The following DEPDC1B variants were observed in gnomAD, a reference collection of about 807,000 sequenced individuals.
The protein encoded by DEPDC1B is DEP domain-containing protein 1B.
Under a neutral mutation model 66.5 loss-of-function variants are expected in DEPDC1B, and 51 were observed. That is an observed-to-expected ratio of 0.77 (90% CI 0.61 to 0.97). DEPDC1B has a LOEUF of 0.97. Ranked by LOEUF, DEPDC1B falls within the 50% of genes least tolerant of loss-of-function variation. DEPDC1B has a pLI of 0.00. For synonymous variants in DEPDC1B, 226 were observed against 223.6 expected (o/e 1.01, Z -0.10); for missense variants, 552 against 637.1 (o/e 0.87, Z 1.44).
chr5:60,683,657 T>C (rs771289429), intron 2 of DEPDC1B, among the ~76,000 whole-genome samples: 7 of 152,078 alleles, frequency 4.6e-5, no homozygotes, highest in Non-Finnish European at 1.0e-4. Flanking sequence ...GCTAACATCA[T>C]TGAACAGAGA....
chr5:60,603,436 C>T lies in DEPDC1B; in HGVS notation c.1197G>A (p.Leu399=), dbSNP rs1752242754. 1 of 1,611,632 alleles carries T rather than the reference C, an allele frequency of 6.2e-7. No individual in the cohort carries two copies. Among genetic ancestry groups the T allele is most frequent in the East Asian group, 2.2e-5 (1 of 44,774 alleles). ...YQEILKVPLA[L]QTSIEERVAH... is the part of the protein sequence containing the mutation. ...CCACACGCTCCTCTATAGAGGTCTG[C>T]AAGGCCAAAGGGACTTTCAGAATTT... is the stretch of plus-strand genomic sequence containing the variant. The change falls in exon 9 of 11, where the codon TTG becomes TTA. Residue 399 remains leucine (L), a synonymous_variant. Transcript: ENST00000265036.
At chr5:60,631,963 C>A (rs1419501929) in intron 7 of DEPDC1B, among the ~76,000 whole-genome samples, 1 of 152,200 alleles carries the variant, frequency 6.6e-6, no homozygotes, top group South Asian at 2.1e-4. Flanking sequence ...ATACACTAAA[C>A]CCATTCCTGG....
At chr5:60,676,410 A>G (rs1415267957) in intron 2 of DEPDC1B, among the ~76,000 whole-genome samples, 1 of 152,110 alleles carries the variant, frequency 6.6e-6, no homozygotes, top group African/African-American at 2.4e-5. Context: ...AGCTTAAGGA[A>G]TCCTCTGGCT....
At position 60,597,627 on chromosome 5, in the gene DEPDC1B, T is replaced by G; in HGVS notation, c.*126A>C. ...ACATTTTTAAAAACTAAGGCAATCT[T>G]TATCTATATTTCAGTAGTCTTTGTT... On this transcript the variant is annotated 3_prime_UTR_variant, in exon 11 of 11. Transcript: ENST00000265036. 1 of 1,034,748 alleles carries G rather than the reference T, an allele frequency of 9.7e-7. No individual in the cohort carries two copies. Among genetic ancestry groups the G allele is most frequent in the Non-Finnish European group, 1.4e-6 (1 of 719,278 alleles). 64.1% of individuals were successfully genotyped at this position (1,034,748 alleles called of 1,614,324 possible).
At chr5:60,617,110 C>G (rs1301278159) in intron 7 of DEPDC1B, among the ~76,000 whole-genome samples, 1 of 152,166 alleles carries the variant, frequency 6.6e-6, no homozygotes, top group African/African-American at 2.4e-5. Flanking sequence ...CACCACCAGG[C>G]CTGCCCTAAA....
chr5:60,697,308 C>T (rs1754679019), intron 1 of DEPDC1B, among the ~76,000 whole-genome samples: 1 of 152,000 alleles, frequency 6.6e-6, no homozygotes, highest in South Asian at 2.1e-4. Flanking sequence ...TTTTCTAAAG[C>T]TGTACATGCT....
intron 2 of DEPDC1B, among the ~76,000 whole-genome samples, chr5:60,657,991 A>G (rs1753616576): frequency 6.6e-6 from 1 of 152,022 alleles, no homozygotes; most frequent in South Asian, 2.1e-4. Flanking sequence ...CACTTTTTTA[A>G]TTCTTTTTTT....
At position 60,638,739 on chromosome 5, in the gene DEPDC1B, T is replaced by A. The variant is rs1418626223; in HGVS notation, c.898+11A>T. On this transcript the variant is annotated intron_variant, in intron 7 of 10. Coordinates refer to ENST00000265036, the MANE Select transcript of DEPDC1B (RefSeq NM_018369.3). ...GTGATGTAGATATATGTTCATTATA[T>A]TCCAACTTACCCAGTACACTGACAA... The A allele has an allele frequency of 2.5e-6, 4 of 1,599,954 alleles. No individual in the cohort carries two copies. The highest frequency in any genetic ancestry group is 3.4e-6 in the Non-Finnish European group (4 of 1,174,680).
intron 1 of DEPDC1B, among the ~76,000 whole-genome samples, chr5:60,688,500 A>C (rs1305765368): frequency 2.0e-5 from 3 of 152,230 alleles, no homozygotes; most frequent in Non-Finnish European, 4.4e-5. Context: ...CAGGGTTGTT[A>C]CAAAGACCAG....
At chr5:60,602,393 T>A (rs1752219330) in intron 9 of DEPDC1B, among the ~76,000 whole-genome samples, 1 of 152,222 alleles carries the variant, frequency 6.6e-6, no homozygotes, top group African/African-American at 2.4e-5. Flanking sequence ...ATTTTAATTT[T>A]AAAATTGCCT....
At chr5:60,605,609 C>T (rs1752292934) in intron 8 of DEPDC1B, 81 bp downstream of exon 8, 2 of 1,481,142 alleles carry the variant, frequency 1.4e-6, no homozygotes, top group South Asian at 1.4e-5. Context: ...TTGTACTTCC[C>T]TCTGATCACC....
At chr5:60,686,876 T>A in intron 2 of DEPDC1B, 86 bp downstream of exon 2, 1 of 1,512,872 alleles carries the variant, frequency 6.6e-7, no homozygotes, top group Non-Finnish European at 9.0e-7. Context: ...GGTAAATTCT[T>A]ACACATCAGG....
chr5:60,698,723 T>G (rs1162126953), intron 1 of DEPDC1B, among the ~76,000 whole-genome samples: 1 of 150,440 alleles, frequency 6.6e-6, no homozygotes, highest in Non-Finnish European at 1.5e-5. Flanking sequence ...TGGAGTGCAA[T>G]GGCGCGATCT....
intron 9 of DEPDC1B, 46 bp from the exon 10 acceptor site, chr5:60,599,306 A>G: frequency 3.5e-6 from 5 of 1,429,070 alleles, no homozygotes; most frequent in Non-Finnish European, 4.7e-6. Flanking sequence ...ATATTTTCAA[A>G]TAAATTATAA....
chr5:60,627,796 T>C (rs2111809622), intron 7 of DEPDC1B, among the ~76,000 whole-genome samples: 2 of 152,248 alleles, frequency 1.3e-5, no homozygotes, highest in South Asian at 2.1e-4. Context: ...CAATTTTTTA[T>C]CTTTTTCAAA....
chr5:60,611,688 C>T (rs1752416769), intron 7 of DEPDC1B, among the ~76,000 whole-genome samples: 1 of 152,104 alleles, frequency 6.6e-6, no homozygotes, highest in African/African-American at 2.4e-5. Flanking sequence ...TTCTTTAAGC[C>T]CCACCCTAAC....
intron 7 of DEPDC1B, among the ~76,000 whole-genome samples, chr5:60,621,638 C>A (rs1000931739): frequency 1.3e-5 from 2 of 151,918 alleles, no homozygotes; most frequent in Non-Finnish European, 2.9e-5. Flanking sequence ...ACATATGTAA[C>A]AAATCTGCAT....
chr5:60,627,619 A>G (rs1399770293), intron 7 of DEPDC1B, among the ~76,000 whole-genome samples: 5 of 152,114 alleles, frequency 3.3e-5, no homozygotes, highest in Admixed American at 2.0e-4. Context: ...GTTGCCCCAA[A>G]GGTAACTTGT....
At position 60,629,114 on chromosome 5, in the gene DEPDC1B, G is replaced by A. The variant is rs1156644017; in HGVS notation, c.898+9636C>T. Among the ~76,000 whole-genome samples the A allele has an allele frequency of 2.6e-5, 4 of 152,188 alleles. No homozygotes were observed. In the East Asian group the frequency reaches 7.7e-4, roughly 29 times the overall value. ...CCTGACTGCTGAGGAGGCAGCTTCT[G>A]TACAGCTTCTCCGGGGAGCTTTTCT... On this transcript the variant is annotated intron_variant, in intron 7 of 10. Coordinates refer to ENST00000265036, the MANE Select transcript of DEPDC1B (RefSeq NM_018369.3).
Sources: gnomAD v4.1 joint callset for allele counts (sites outside exome capture counted in the v4.1 genomes callset) on GRCh38, gnomAD v4.1.1 for gene constraint, MANE v1.5 for transcripts, NCBI Gene and HGNC (gene_info 2026-07-23, HGNC 2026-07-21) for gene names.